CRISPLD2: variants seen among roughly 807,000 people sequenced by gnomAD.
CRISPLD2 encodes the protein cysteine-rich secretory protein LCCL domain-containing 2.
Under a neutral mutation model 71.1 loss-of-function variants are expected in CRISPLD2, and 47 were observed. The ratio of observed to expected loss-of-function variants is 0.66; its 90% CI spans 0.52 to 0.84. The LOEUF (loss-of-function observed/expected upper bound fraction) is 0.84, where lower values mean the gene tolerates loss of function less well. CRISPLD2 is among the 40% of genes least tolerant of loss of function. The pLI is 0.00. For missense variants in CRISPLD2, 830 were observed against 651.1 expected, an observed-to-expected ratio of 1.27 and a Z score of -2.99; for synonymous variants, 317 against 250.1, an observed-to-expected ratio of 1.27 and a Z score of -2.52.
intron 11 of CRISPLD2, 151 bp downstream of exon 11, chr16:84,874,114 C>G: frequency 1.3e-6 from 1 of 756,364 alleles, no homozygotes; most frequent in South Asian, 1.9e-5. Flanking sequence ...AAGACGTCAT[C>G]TCTTTAACCA....
intron 1 of CRISPLD2, among the ~76,000 whole-genome samples, chr16:84,824,096 T>C (rs111956501): frequency 0.092 from 14,030 of 152,154 alleles, 686 homozygotes; most frequent in Middle Eastern, 0.12. Flanking sequence ...AGGCAGGGTT[T>C]TGCGAGCAGG....
At chr16:84,844,266 A>C (rs1017280933) in intron 2 of CRISPLD2, among the ~76,000 whole-genome samples, 5 of 152,148 alleles carry the variant, frequency 3.3e-5, no homozygotes, top group African/African-American at 9.7e-5. Flanking sequence ...CTCAGGCCCC[A>C]CTGATTCAGG....
intron 6 of CRISPLD2, among the ~76,000 whole-genome samples, chr16:84,856,237 G>GGAT (rs1917237449): frequency 6.6e-6 from 1 of 152,160 alleles, no homozygotes; most frequent in Non-Finnish European, 1.5e-5. Context: ...ACAGGGCATG[G>GGAT]TAATACTAAG....
intron 13 of CRISPLD2, among the ~76,000 whole-genome samples, chr16:84,886,545 C>T (rs538567212): frequency 6.6e-6 from 1 of 152,164 alleles, no homozygotes; most frequent in Non-Finnish European, 1.5e-5. Flanking sequence ...TCACCATAAG[C>T]CAGGCAATGG....
chr16:84,892,662 T>G (rs2071672882), intron 14 of CRISPLD2, among the ~76,000 whole-genome samples: 1 of 152,072 alleles, frequency 6.6e-6, no homozygotes, highest in African/African-American at 2.4e-5. Flanking sequence ...ATACCCTTGA[T>G]TCTGATATTA....
In CRISPLD2 at chr16:84,906,631, G is replaced by C; in HGVS notation, c.1483G>C (p.Val495Leu). ...RDGKAFRIFA[V>L]RQ ...TGGAAAGGCCTTCCGGATCTTTGCT[G>C]TCAGGCAGTGAATTTCCAGCACCAG... Residue 495 changes from valine to leucine, a missense_variant, in exon 15 of 15, where the codon GTC becomes CTC. Transcript: ENST00000262424. The C allele has an allele frequency of 1.9e-6, 3 of 1,614,052 alleles. No individual in the cohort carries two copies. The highest frequency in any genetic ancestry group is 2.5e-6 in the Non-Finnish European group (3 of 1,180,042).
At chr16:84,834,569 G>T (rs1195166234) in intron 1 of CRISPLD2, among the ~76,000 whole-genome samples, 1 of 152,178 alleles carries the variant, frequency 6.6e-6, no homozygotes, top group East Asian at 1.9e-4. Flanking sequence ...CCTCCTTCGT[G>T]TCTCCTCTTT....
At chr16:84,832,300 C>T (rs1331995599) in intron 1 of CRISPLD2, among the ~76,000 whole-genome samples, 5 of 152,238 alleles carry the variant, frequency 3.3e-5, no homozygotes, top group Admixed American at 1.3e-4. Context: ...TCAAGAAGCT[C>T]GGTGCTGTGT....
At position 84,873,506 on chromosome 16, in the gene CRISPLD2, C is replaced by CA. The variant is rs913977597; in HGVS notation, c.1112+395dup. On this transcript the variant is annotated intron_variant, in intron 10 of 14. Transcript: ENST00000262424. ...AAAAAAAAAAAGAAAACAACAACAA[C>CA]AAAAAAAAAAACAAAAAAAAAACCC... 1,094 of 112,032 alleles carry CA rather than the reference C, an allele frequency of 9.8e-3. 33 individuals carry two copies. The highest frequency in any genetic ancestry group is 0.039 in the African/African-American group (959 of 24,372). The allele number at this position is 112,032 out of a possible 1,614,324, so 6.9% of individuals were successfully genotyped here.
At chr16:84,835,694 C>G (rs1916602049) in intron 1 of CRISPLD2, among the ~76,000 whole-genome samples, 1 of 152,178 alleles carries the variant, frequency 6.6e-6, no homozygotes. Flanking sequence ...TCACTAAACC[C>G]CGTGGTTCTC....
At chr16:84,872,246 G>C (rs952735047) in intron 8 of CRISPLD2, among the ~76,000 whole-genome samples, 196 bp from the exon 9 acceptor site, 2 of 152,190 alleles carry the variant, frequency 1.3e-5, no homozygotes, top group African/African-American at 4.8e-5. Context: ...CGGATACCGA[G>C]GGACGACTGT....
At chr16:84,894,268 T>TG (rs1289351921) in intron 14 of CRISPLD2, among the ~76,000 whole-genome samples, 1 of 152,172 alleles carries the variant, frequency 6.6e-6, no homozygotes, top group Admixed American at 6.5e-5. Context: ...TGAATATTCT[T>TG]GGGGAAATGC....
At chr16:84,900,544 GGC>G (rs2071744501) in intron 14 of CRISPLD2, among the ~76,000 whole-genome samples, 3 of 7,516 alleles carry the variant, frequency 4.0e-4, no homozygotes, top group Non-Finnish European at 6.4e-4. Flanking sequence ...AGCGCTGGGA[GGC>G]ATCACACAGC....
At chr16:84,852,038 T>TGTGGCAGATCAAGGG (rs1363684135) in intron 5 of CRISPLD2, among the ~76,000 whole-genome samples, 1 of 152,118 alleles carries the variant, frequency 6.6e-6, no homozygotes, top group African/African-American at 2.4e-5. Flanking sequence ...CAGATCAAGG[T>TGTGGCAGATCAAGGG]GTGGCAGATC....
intron 6 of CRISPLD2, among the ~76,000 whole-genome samples, chr16:84,866,224 C>T (rs1413135641): frequency 7.6e-6 from 1 of 130,846 alleles, no homozygotes; most frequent in Non-Finnish European, 1.6e-5. Context: ...GTGGCCGAGG[C>T]AGTTTTGTTT....
rs138224016 is a variant in CRISPLD2 at position 84,846,969 on chromosome 16, G to T, written c.359+1065G>T. 8.5e-5 allele frequency among the ~76,000 whole-genome samples: 13 copies of T among 152,304 alleles called. No individual in the cohort carries two copies. The East Asian group carries it at 2.5e-3, about 29-fold the overall frequency. ...GACGGCTGGTTTCATTGGAGAAAGT[G>T]GAAAAATGTCTTTTGACCACGCCCA... On this transcript the variant is annotated intron_variant, in intron 3 of 14. Coordinates refer to ENST00000262424, the MANE Select transcript of CRISPLD2 (RefSeq NM_031476.4).
chr16:84,894,150 A>G (rs1238698344), intron 14 of CRISPLD2, among the ~76,000 whole-genome samples: 4 of 152,180 alleles, frequency 2.6e-5, no homozygotes, highest in Admixed American at 2.0e-4. Flanking sequence ...CCATGCAGAA[A>G]TGAGGCAACA....
Position 84,868,887 on chromosome 16 carries a change from G to A in CRISPLD2, c.890G>A (p.Arg297Lys). ...AGATGTGACACCAAGATGAAGGACAGGTGCAAAGGGTCCACGTGTAACAGG... is the reference window on the plus strand; with the variant it reads ...AGATGTGACACCAAGATGAAGGACAAGTGCAAAGGGTCCACGTGTAACAGG... ...VVRCDTKMKD[R>K]CKGSTCNRYQ... Residue 297 changes from arginine (R) to lysine (K), a missense_variant, in exon 8 of 15, where the codon AGG becomes AAG. Physicochemically the swap from Arg to Lys is conservative, Grantham distance 26 (BLOSUM62 2). Coordinates refer to ENST00000262424, the MANE Select transcript of CRISPLD2 (RefSeq NM_031476.4). The A allele has an allele frequency of 6.2e-7, 1 of 1,608,522 alleles. No homozygotes were observed. Among genetic ancestry groups the A allele is most frequent in the South Asian group, 1.1e-5 (1 of 89,898 alleles).
At chr16:84,854,926 C>A in intron 6 of CRISPLD2, 97 bp downstream of exon 6, 1 of 953,078 alleles carries the variant, frequency 1.0e-6, no homozygotes. Flanking sequence ...AGAAGTCAGT[C>A]ACCCCTCCTG....
Sources: allele counts gnomAD v4.1 joint callset (sites outside exome capture counted in the v4.1 genomes callset), GRCh38; gene constraint gnomAD v4.1.1; transcripts MANE v1.5; gene names NCBI Gene and HGNC (gene_info 2026-07-23, HGNC 2026-07-21).